The following LRP1 variants were observed in gnomAD, a reference collection of about 807,000 sequenced individuals.
The protein encoded by LRP1 is LDL receptor related protein 1, also known as prolow-density lipoprotein receptor-related protein 1.
LRP1 carries 51 observed loss-of-function variants against 541.5 expected under a neutral mutation model. The ratio of observed to expected loss-of-function variants is 0.09; its 90% CI spans 0.08 to 0.12. The LOEUF (loss-of-function observed/expected upper bound fraction) is 0.12. Ranked by LOEUF, LRP1 falls within the 10% of genes least tolerant of loss-of-function variation. The pLI is 1.00. For missense variants in LRP1, 3,878 were observed against 6,376.2 expected, an observed-to-expected ratio of 0.61 and a Z score of 13.34; for synonymous variants, 2,219 against 2,470.8, an observed-to-expected ratio of 0.90 and a Z score of 3.02.
rs1296383096 is a variant in LRP1, at chr12:57,184,817, G to A, written c.6187-22G>A. 1 of 1,602,720 alleles carries A rather than the reference G, an allele frequency of 6.2e-7. No individual in the cohort carries two copies. Among genetic ancestry groups the A allele is most frequent in the Admixed American group, 1.7e-5 (1 of 59,722 alleles). ...GCAGCGAGCTCAGCCCTGGAGGTGA[G>A]GTGGGTGCCTCTGGCCTGTAGGATG... is the stretch of plus-strand genomic sequence containing the variant. On this transcript the variant is annotated intron_variant, in intron 38 of 88. Transcript: ENST00000243077. This position sits in a 1 kb window ranked among gnomAD's most constrained non-coding sequence, Gnocchi z 7.8.
chr12:57,194,712 T>G lies in LRP1; in HGVS notation c.8191+13T>G. ...GAGACCCACTGCAGTGAGTGACCAC[T>G]GCACCCACTCAGTGCTCCAAGAGCC... On this transcript the variant is annotated intron_variant, in intron 50 of 88. Transcript: ENST00000243077. The G allele has an allele frequency of 1.9e-6, 3 of 1,541,634 alleles. No individual in the cohort carries two copies. The highest frequency in any genetic ancestry group is 2.6e-6 in the Non-Finnish European group (3 of 1,144,000).
At chr12:57,135,424 G>C (rs528405672) in intron 1 of LRP1, among the ~76,000 whole-genome samples, 1 of 152,186 alleles carries the variant, frequency 6.6e-6, no homozygotes, top group Admixed American at 6.5e-5. Context: ...GTCCTACCCC[G>C]CTCCCAACTC....
chr12:57,145,902 C>T (rs1040712032), intron 6 of LRP1, among the ~76,000 whole-genome samples: 3 of 152,102 alleles, frequency 2.0e-5, no homozygotes, highest in Non-Finnish European at 4.4e-5. Flanking sequence ...AGCTGGGGCC[C>T]AGCTGCTCTG....
In LRP1 at chr12:57,154,449, A is replaced by G. The variant is rs1310865956; in HGVS notation, c.1005-30A>G. ...GTGGTAAGGAGGGTGCCCAATGTCC[A>G]GACCCCATTTAACATGCATCTTCCC... On this transcript the variant is annotated intron_variant, in intron 7 of 88. Transcript: ENST00000243077. The surrounding 1 kb of genome is among the most constrained non-coding windows in gnomAD (Gnocchi z 4.6). 1 of 1,610,334 alleles carries G rather than the reference A, an allele frequency of 6.2e-7. No homozygotes were observed. Among genetic ancestry groups the G allele is most frequent in the Admixed American group, 1.7e-5 (1 of 59,950 alleles).
intron 78 of LRP1, 73 bp from the exon 79 acceptor site, chr12:57,209,010 A>C: frequency 7.8e-7 from 1 of 1,285,416 alleles, no homozygotes; most frequent in Non-Finnish European, 1.1e-6. Context: ...TGTCCCGGGC[A>C]TGGAGGCAGT....
At chr12:57,149,510 A>C (rs2035484343) in intron 6 of LRP1, 2 of 622,804 alleles carry the variant, frequency 3.2e-6, no homozygotes, top group Non-Finnish European at 5.8e-6. Context: ...TAACTTAAGC[A>C]AGAGAGATGT....
Position 57,211,637 on chromosome 12 carries a change from C to G in LRP1, c.13193+49C>G. The G allele has an allele frequency of 6.2e-7, 1 of 1,606,156 alleles. No individual in the cohort carries two copies. The highest frequency in any genetic ancestry group is 8.5e-7 in the Non-Finnish European group (1 of 1,173,004). ...CAGGCATAGATCATCGCTCCCTTCC[C>G]CAGATTTGAGCAGGAGGACCGTCAG... On this transcript the variant is annotated intron_variant, in intron 85 of 88. Transcript: ENST00000243077. This position sits in a 1 kb window ranked among gnomAD's most constrained non-coding sequence, Gnocchi z 4.3.
chr12:57,162,963 C>T lies in LRP1; in HGVS notation c.2510C>T (p.Ala837Val). The part of the protein sequence containing the change: ...CACAEDQVLD[A>V]DGVTCLANPS... ...TGTGCTGAGGACCAGGTGTTGGACGCAGACGGCGTCACTTGCTTGGGTATG... is the reference window on the plus strand; with the variant it reads ...TGTGCTGAGGACCAGGTGTTGGACGTAGACGGCGTCACTTGCTTGGGTATG... The change falls in exon 15 of 89, where the codon GCA (alanine) becomes GTA (valine). Residue 837 changes from alanine (A) to valine (V), a missense_variant. This residue lies in a region of LRP1 where 496 missense variants were observed against 861.0 expected (regional missense o/e 0.58). Coordinates refer to ENST00000243077, the MANE Select transcript of LRP1 (RefSeq NM_002332.3). The surrounding 1 kb of genome is among the most constrained non-coding windows in gnomAD (Gnocchi z 5.2). 6.2e-7 allele frequency: 1 copy of T among 1,604,292 alleles called. No individual in the cohort carries two copies. The highest frequency in any genetic ancestry group is 8.5e-7 in the Non-Finnish European group (1 of 1,177,718).
At chr12:57,172,691 G>A (rs548084166) in intron 20 of LRP1, among the ~76,000 whole-genome samples, 1 of 152,246 alleles carries the variant, frequency 6.6e-6, no homozygotes, top group Non-Finnish European at 1.5e-5. Flanking sequence ...TATCTCCATA[G>A]CTTTATCAAT....
At chr12:57,139,331 AC>A (rs1186699764) in intron 2 of LRP1, among the ~76,000 whole-genome samples, 3 of 151,470 alleles carry the variant, frequency 2.0e-5, no homozygotes, top group Admixed American at 6.6e-5. Flanking sequence ...CCACACCCCC[AC>A]CCGTAATTAT....
At chr12:57,190,166 G>T (rs1433592635) in intron 42 of LRP1, among the ~76,000 whole-genome samples, 2 of 152,174 alleles carry the variant, frequency 1.3e-5, no homozygotes, top group Non-Finnish European at 2.9e-5. Flanking sequence ...ACGGAGAAGG[G>T]GACTCTTGAG....
intron 42 of LRP1, among the ~76,000 whole-genome samples, chr12:57,188,865 G>T (rs1474904477): frequency 6.6e-6 from 1 of 152,238 alleles, no homozygotes; most frequent in Admixed American, 6.5e-5. Context: ...TCTGAGGATG[G>T]CAGGAGTGGC....
rs1555188113 is a variant in LRP1 at position 57,205,176 on chromosome 12, C to T, written c.11262C>T (p.Cys3754=). 5 of 1,613,976 alleles carry T rather than the reference C, an allele frequency of 3.1e-6. No homozygotes were observed. Among genetic ancestry groups the T allele is most frequent in the Non-Finnish European group, 3.4e-6 (4 of 1,180,006 alleles). Residue 3754 remains cysteine (C), a synonymous_variant, in exon 73 of 89, where the codon TGC becomes TGT. Transcript: ENST00000243077. This position sits in a 1 kb window ranked among gnomAD's most constrained non-coding sequence, Gnocchi z 4.6. Reference sequence around the variant, plus strand: ...AGTTTCTGTGCCGGAACCAGCGCTGCCTCTCCTCCTCCCTGCGCTGCAACA... The same window carrying T: ...AGTTTCTGTGCCGGAACCAGCGCTGTCTCTCCTCCTCCCTGCGCTGCAACA... The part of the protein sequence containing the change: ...KKEFLCRNQR[C]LSSSLRCNMF...
At chr12:57,209,044 G>A (rs757699619) in intron 78 of LRP1, 39 bp from the exon 79 acceptor site, 3 of 1,537,454 alleles carry the variant, frequency 2.0e-6, no homozygotes, top group Non-Finnish European at 2.7e-6. Flanking sequence ...AGCCTGGGTT[G>A]GGGAGGCCAA....
At chr12:57,193,020 G>C (rs1485955835) in intron 45 of LRP1, 50 bp downstream of exon 45, 2 of 1,600,666 alleles carry the variant, frequency 1.2e-6, no homozygotes, top group South Asian at 1.1e-5. Flanking sequence ...GCACACACCA[G>C]GGATGGTGAC....
chr12:57,208,151 C>T lies in LRP1; in HGVS notation c.11973C>T (p.Asn3991=). The T allele has an allele frequency of 1.9e-6, 3 of 1,614,194 alleles. No homozygotes were observed. In the East Asian group the frequency reaches 6.7e-5, roughly 36 times the overall value. The change falls in exon 77 of 89, where the codon AAC becomes AAT. Residue 3991 remains asparagine, a synonymous_variant. Coordinates refer to ENST00000243077, the MANE Select transcript of LRP1 (RefSeq NM_002332.3). ...VIEVAQMKGE[N]RKTLISGMID... ...AGGTGGCGCAGATGAAGGGCGAGAACCGCAAGACGCTCATCTCGGGCATGA... is the reference window on the plus strand; with the variant it reads ...AGGTGGCGCAGATGAAGGGCGAGAATCGCAAGACGCTCATCTCGGGCATGA...
chr12:57,200,730 G>C lies in LRP1; in HGVS notation c.10140G>C (p.Gln3380His). 1.2e-6 allele frequency: 2 copies of C among 1,614,026 alleles called. No individual in the cohort carries two copies. The highest frequency in any genetic ancestry group is 1.7e-6 in the Non-Finnish European group (2 of 1,180,032). The part of the protein sequence containing the change: ...PEFKCRPGQF[Q>H]CSTGICTNPA... ...TCAAGTGCCGGCCCGGACAGTTCCA[G>C]TGCTCCACAGGTATCTGCACAAACC... The change falls in exon 64 of 89, where the codon CAG (glutamine) becomes CAC (histidine). Residue 3380 changes from glutamine (Q) to histidine (H), a missense_variant. Around this residue, in one of 13 missense-constraint regions of LRP1, gnomAD observed 278 missense variants for 536.3 expected, o/e 0.52. Coordinates refer to ENST00000243077, the MANE Select transcript of LRP1 (RefSeq NM_002332.3).
intron 1 of LRP1, among the ~76,000 whole-genome samples, chr12:57,129,578 C>G (rs1361497538): frequency 1.3e-5 from 2 of 152,150 alleles, no homozygotes; most frequent in Non-Finnish European, 2.9e-5. Context: ...GGCGTGGAAT[C>G]GACCCCAGAG....
In LRP1 at chr12:57,173,102, A is replaced by C. The variant is rs1317745870; in HGVS notation, c.3164-66A>C. 3 of 1,383,614 alleles carry C rather than the reference A, an allele frequency of 2.2e-6. No homozygotes were observed. Among genetic ancestry groups the C allele is most frequent in the East Asian group, 4.6e-5 (2 of 43,108 alleles). 85.7% of individuals were successfully genotyped at this position (1,383,614 alleles called of 1,614,324 possible). On this transcript the variant is annotated intron_variant, in intron 20 of 88. Coordinates refer to ENST00000243077, the MANE Select transcript of LRP1 (RefSeq NM_002332.3). The surrounding 1 kb of genome is among the most constrained non-coding windows in gnomAD (Gnocchi z 4.7). ...GCTGGGCTTACCGGGGTGGCAGGGCACAGGGATGAGGAGGGCTGACCTGGG... is the reference window on the plus strand; with the variant it reads ...GCTGGGCTTACCGGGGTGGCAGGGCCCAGGGATGAGGAGGGCTGACCTGGG...
Sources: gnomAD v4.1 joint callset for allele counts (sites outside exome capture counted in the v4.1 genomes callset) on GRCh38, gnomAD v4.1.1 for gene constraint, gnomAD v4.1.1 regional missense constraint, Gnocchi (gnomAD v3.1) non-coding constraint, MANE v1.5 for transcripts, NCBI Gene and HGNC (gene_info 2026-07-23, HGNC 2026-07-21) for gene names.